FRS3: variants seen among roughly 807,000 people sequenced by gnomAD.
FRS3 encodes the protein fibroblast growth factor receptor substrate 3.
Under a neutral mutation model 41.9 loss-of-function variants are expected in FRS3, and 17 were observed. That is an observed-to-expected ratio of 0.41 (90% confidence interval 0.28 to 0.61). The LOEUF (loss-of-function observed/expected upper bound fraction) is 0.61, where lower values mean the gene tolerates loss of function less well. FRS3 is among the 20% of genes least tolerant of loss of function. FRS3 has a pLI of 0.36. For missense variants in FRS3, 619 were observed against 672.1 expected (o/e 0.92, Z 0.87); for synonymous variants, 287 against 274.5 (o/e 1.05, Z -0.45).
intron 4 of FRS3, among the ~76,000 whole-genome samples, chr6:41,775,184 C>T (rs1425385912): frequency 6.6e-6 from 1 of 152,202 alleles, no homozygotes; most frequent in Non-Finnish European, 1.5e-5. Context: ...AGTCTGGATC[C>T]TAAGAGATAA....
intron 1 of FRS3, among the ~76,000 whole-genome samples, chr6:41,779,385 T>C (rs1279383216): frequency 6.6e-6 from 1 of 151,684 alleles, no homozygotes; most frequent in Non-Finnish European, 1.5e-5. Flanking sequence ...GCATTTTGGA[T>C]AGTGCAAGGA....
chr6:41,774,678 A>G (rs1772374642), intron 4 of FRS3, among the ~76,000 whole-genome samples: 1 of 152,160 alleles, frequency 6.6e-6, no homozygotes. Context: ...ACTCCTCTGT[A>G]ACAGGGGGAC....
At chr6:41,776,026 A>C (rs556242577) in intron 3 of FRS3, among the ~76,000 whole-genome samples, 2 of 152,318 alleles carry the variant, frequency 1.3e-5, no homozygotes, top group Admixed American at 6.5e-5. Flanking sequence ...AGGCAGAACC[A>C]ATGCACATCT....
In FRS3 at chr6:41,771,886, G is replaced by A. The variant is rs557171378; in HGVS notation, c.494C>T (p.Ser165Leu). 2.3e-5 allele frequency: 36 copies of A among 1,554,488 alleles called. No homozygotes were observed. The highest frequency in any genetic ancestry group is 8.2e-5 in the African/African-American group (6 of 73,282). The change falls in exon 6 of 7, where the codon TCG becomes TTG. Residue 165 changes from serine to leucine, a missense_variant. This residue lies in a region of FRS3 where 487 missense variants were observed against 478.3 expected (regional missense o/e 1.02). Transcript: ENST00000373018. ...CGAGGGGTGCCGCAGGCTGCTTGTC[G>A]AGAGCCGCCGGGGAGCTGAGAATCG... The part of the protein sequence containing the change: ...GPRFSAPRRL[S>L]TSSLRHPSLG...
In FRS3 at chr6:41,771,219, C is replaced by A; in HGVS notation, c.879G>T (p.Gly293=). The change falls in exon 7 of 7, where the codon GGG becomes GGT. Residue 293 remains glycine (G), a synonymous_variant. Transcript: ENST00000373018. The part of the protein sequence containing the change: ...PKCTYENVTG[G]LWRGAGWRLS... ...GTCTCCAGCCAGCCCCTCGCCACAG[C>A]CCCCCGGTGACGTTCTCGTAGGTGC... 1 of 1,571,136 alleles carries A rather than the reference C, an allele frequency of 6.4e-7. No individual in the cohort carries two copies. Among genetic ancestry groups the A allele is most frequent in the South Asian group, 1.2e-5 (1 of 84,176 alleles).
At chr6:41,773,396 G>A (rs1179507464) in intron 4 of FRS3, among the ~76,000 whole-genome samples, 2 of 151,348 alleles carry the variant, frequency 1.3e-5, no homozygotes, top group African/African-American at 2.4e-5. Context: ...GAGCCACCAC[G>A]CCTGGCCCTG....
chr6:41,779,217 T>A (rs573524343), intron 1 of FRS3, among the ~76,000 whole-genome samples: 1 of 151,886 alleles, frequency 6.6e-6, no homozygotes, highest in African/African-American at 2.4e-5. Flanking sequence ...TCAGGATGTA[T>A]CAGATAGCCC....
rs2127298941 is a variant in FRS3 at position 41,771,796 on chromosome 6, C to T, written c.564+20G>A. The T allele has an allele frequency of 1.9e-6, 3 of 1,548,512 alleles. No homozygotes were observed. In the African/African-American group the frequency reaches 4.1e-5, roughly 21 times the overall value. ...CCCACCCAGACCAACAGGGCAGGGGCTGGCCGGCTGCGTGCTCACCTGCTC... is the reference window on the plus strand; with the variant it reads ...CCCACCCAGACCAACAGGGCAGGGGTTGGCCGGCTGCGTGCTCACCTGCTC... On this transcript the variant is annotated intron_variant, in intron 6 of 6. Coordinates refer to ENST00000373018, the MANE Select transcript of FRS3 (RefSeq NM_006653.5).
chr6:41,778,840 A>C (rs909147886), intron 1 of FRS3, among the ~76,000 whole-genome samples: 9 of 152,196 alleles, frequency 5.9e-5, no homozygotes, highest in African/African-American at 2.2e-4. Context: ...TTTTAACATA[A>C]ATGTTAACAG....
In FRS3 at chr6:41,775,534, C is replaced by T; in HGVS notation, c.138G>A (p.Val46=). 1.9e-6 allele frequency: 3 copies of T among 1,614,132 alleles called. No individual in the cohort carries two copies. The African/African-American group carries it at 4.0e-5, about 22-fold the overall frequency. The change falls in exon 4 of 7, where the codon GTG becomes GTA. Residue 46 remains valine, a synonymous_variant. Transcript: ENST00000373018. The part of the protein sequence containing the change: ...GVMELTQSEL[V]LHLHRREAVR... ...CGGCCTCACGCCGATGCAGGTGCAGCACCAGCTCACTCTGCGTCAGCTCCA... is the reference window on the plus strand; with the variant it reads ...CGGCCTCACGCCGATGCAGGTGCAGTACCAGCTCACTCTGCGTCAGCTCCA...
At chr6:41,773,858 C>A (rs145531576) in intron 4 of FRS3, among the ~76,000 whole-genome samples, 1 of 149,682 alleles carries the variant, frequency 6.7e-6, no homozygotes, top group Admixed American at 6.7e-5. Flanking sequence ...GGTGACAGAG[C>A]GAGACTCTGT....
intron 4 of FRS3, among the ~76,000 whole-genome samples, chr6:41,774,846 A>G (rs570883927): frequency 5.3e-5 from 8 of 152,366 alleles, no homozygotes; most frequent in African/African-American, 1.9e-4. Context: ...GACGAGAAGT[A>G]GAAAAGACTG....
At chr6:41,777,416 A>G (rs2127301143) in intron 2 of FRS3, 1 of 160,912 alleles carries the variant, frequency 6.2e-6, no homozygotes, top group Non-Finnish European at 1.4e-5. Context: ...TGGATTCAGC[A>G]AAGAAATTGT....
chr6:41,779,739 CTGCGGCGCGGCGCGGCGCGG>C (rs1472581672), intron 1 of FRS3, 57 bp downstream of exon 1: 1 of 22,994 alleles, frequency 4.3e-5, no homozygotes, highest in Non-Finnish European at 8.4e-5. Flanking sequence ...GGAGTGGAGA[CTGCGGCGCGGCGCGGCGCGG>C]CGCGGCGCGG....
intron 6 of FRS3, 34 bp from the exon 7 acceptor site, chr6:41,771,567 C>T: frequency 2.0e-6 from 3 of 1,474,506 alleles, no homozygotes; most frequent in Non-Finnish European, 9.1e-7. Flanking sequence ...CAGGAGTGTC[C>T]CAGGGCAGGG....
intron 3 of FRS3, 147 bp downstream of exon 3, chr6:41,776,775 G>T (rs778349345): frequency 4.3e-6 from 3 of 702,504 alleles, no homozygotes; most frequent in African/African-American, 1.8e-5. Flanking sequence ...CTACTTGAGA[G>T]GGTGTGAGCT....
rs1289516400 is a variant in FRS3 at position 41,775,594 on chromosome 6, C to T, written c.78G>A (p.Val26=). The T allele has an allele frequency of 6.2e-7, 1 of 1,613,696 alleles. No homozygotes were observed. The highest frequency in any genetic ancestry group is 1.1e-5 in the South Asian group (1 of 91,048). The change falls in exon 4 of 7, where the codon GTG becomes GTA. Residue 26 remains valine (V), a synonymous_variant. Coordinates refer to ENST00000373018, the MANE Select transcript of FRS3 (RefSeq NM_006653.5). ...AGCCCAGCTCCACCCCCTCATCATC[C>T]ACATTTGTCACCTGGAGGGGAGAAG... The part of the protein sequence containing the change: ...NHPTKFKVTN[V]DDEGVELGSG...
chr6:41,779,758 G>A (rs1165993689), intron 1 of FRS3, 58 bp downstream of exon 1: 1 of 145,338 alleles, frequency 6.9e-6, no homozygotes, highest in African/African-American at 2.5e-5. Context: ...GGCGCGGCGC[G>A]GCGCGGCGCG....
chr6:41,777,935 G>A (rs1361771473), intron 2 of FRS3, 98 bp downstream of exon 2: 1 of 152,690 alleles, frequency 6.5e-6, no homozygotes, highest in Non-Finnish European at 1.5e-5. Flanking sequence ...TAGAACTCCT[G>A]CTGAATGGTA....
Sources: gnomAD v4.1 joint callset for allele counts (sites outside exome capture counted in the v4.1 genomes callset) on GRCh38, gnomAD v4.1.1 for gene constraint, gnomAD v4.1.1 regional missense constraint, MANE v1.5 for transcripts, NCBI Gene and HGNC (gene_info 2026-07-23, HGNC 2026-07-21) for gene names.